The following SPOCK3 variants were observed in gnomAD, a reference collection of about 807,000 sequenced individuals.
SPOCK3 encodes SPARC (osteonectin), cwcv and kazal like domains proteoglycan 3.
A neutral mutation model predicts 56.6 loss-of-function variants in SPOCK3; 30 were observed. The ratio of observed to expected loss-of-function variants is 0.53; its 90% CI spans 0.40 to 0.72. SPOCK3 has a LOEUF of 0.72. Among genes scored for constraint, SPOCK3 ranks in the 30% least tolerant of loss-of-function variants. The probability of loss-of-function intolerance (pLI) is 0.00; values close to 1 mark genes in which losing one functional copy is unlikely to be tolerated. For synonymous variants in SPOCK3, 196 were observed against 183.3 expected, an observed-to-expected ratio of 1.07 and a Z score of -0.56; for missense variants, 527 against 530.0, an observed-to-expected ratio of 0.99 and a Z score of 0.06.
intron 7 of SPOCK3, among the ~76,000 whole-genome samples, chr4:166,780,277 A>C (rs1468464739): frequency 1.3e-5 from 2 of 152,188 alleles, no homozygotes; most frequent in Non-Finnish European, 2.9e-5. Flanking sequence ...AGAAAAATTC[A>C]ATTTATATTT....
chr4:166,996,595 T>A (rs1490913486), intron 4 of SPOCK3, among the ~76,000 whole-genome samples: 1 of 152,182 alleles, frequency 6.6e-6, no homozygotes, highest in Non-Finnish European at 1.5e-5. Context: ...CTAAAGTTCC[T>A]TCTCATTATT....
At chr4:166,845,183 G>A (rs1242614140) in intron 6 of SPOCK3, among the ~76,000 whole-genome samples, 1 of 152,048 alleles carries the variant, frequency 6.6e-6, no homozygotes, top group East Asian at 1.9e-4. Context: ...CACAGATAAG[G>A]ATAAATTAGC....
intron 2 of SPOCK3, among the ~76,000 whole-genome samples, chr4:167,141,910 C>A (rs1010811410): frequency 3.3e-5 from 5 of 151,902 alleles, no homozygotes; most frequent in East Asian, 3.9e-4. Context: ...AAGAAAAAAT[C>A]TAACTGTCTT....
intron 8 of SPOCK3, among the ~76,000 whole-genome samples, chr4:166,749,308 TAA>T (rs1277795160): frequency 7.4e-6 from 1 of 135,012 alleles, no homozygotes; most frequent in Non-Finnish European, 1.6e-5. Flanking sequence ...TATGCAGCCA[TAA>T]AAAAAGATGA....
At chr4:166,941,642 T>G (rs1254499707) in intron 4 of SPOCK3, among the ~76,000 whole-genome samples, 1 of 152,188 alleles carries the variant, frequency 6.6e-6, no homozygotes, top group Non-Finnish European at 1.5e-5. Context: ...TTCCTTCTAA[T>G]ATACAGAAGA....
chr4:166,998,431 T>C (rs1300574599), intron 4 of SPOCK3, among the ~76,000 whole-genome samples: 1 of 152,126 alleles, frequency 6.6e-6, no homozygotes, highest in African/African-American at 2.4e-5. Flanking sequence ...TTTTTGCCTG[T>C]AGTTAAGCTG....
intron 4 of SPOCK3, among the ~76,000 whole-genome samples, chr4:166,972,365 A>G (rs1745486724): frequency 1.3e-5 from 2 of 152,126 alleles, no homozygotes; most frequent in African/African-American, 2.4e-5. Context: ...CAATGTTACA[A>G]TGTAAAATGA....
At chr4:166,975,353 A>C (rs1423568753) in intron 4 of SPOCK3, among the ~76,000 whole-genome samples, 2 of 152,154 alleles carry the variant, frequency 1.3e-5, no homozygotes, top group African/African-American at 4.8e-5. Context: ...TCTTTTAAAA[A>C]ATTTTTAATG....
At position 166,734,401 on chromosome 4, in the gene SPOCK3, T is replaced by A. The variant is rs1734014777; in HGVS notation, c.*520A>T. On this transcript the variant is annotated 3_prime_UTR_variant, in exon 11 of 11. Transcript: ENST00000357545. ...TAAACACAATTGAGGACTCTACAAT[T>A]GTCACTTTGTTTTTCTTGCCATGTG... 1 of 152,120 alleles carries A rather than the reference T, an allele frequency of 6.6e-6. No homozygotes were observed. Among genetic ancestry groups the A allele is most frequent in the African/African-American group, 2.4e-5 (1 of 41,446 alleles). 9.4% of individuals were successfully genotyped at this position (152,120 alleles called of 1,614,324 possible).
intron 2 of SPOCK3, among the ~76,000 whole-genome samples, chr4:167,173,651 G>T (rs1479875748): frequency 6.6e-6 from 1 of 151,892 alleles, no homozygotes; most frequent in African/African-American, 2.4e-5. Context: ...TTTCTTAATC[G>T]AACAGGCGTA....
At chr4:166,751,011 A>G (rs1193352538) in intron 8 of SPOCK3, among the ~76,000 whole-genome samples, 1 of 144,332 alleles carries the variant, frequency 6.9e-6, no homozygotes, top group African/African-American at 2.5e-5. Context: ...TGCACTATCA[A>G]TGGTGCCCTG....
chr4:167,126,905 G>A (rs1047763177), intron 2 of SPOCK3, among the ~76,000 whole-genome samples: 1 of 151,930 alleles, frequency 6.6e-6, no homozygotes, highest in African/African-American at 2.4e-5. Context: ...ACTGTTGCTG[G>A]TAGAAAACAA....
chr4:166,805,254 T>A (rs1006563804), intron 6 of SPOCK3, among the ~76,000 whole-genome samples: 8 of 152,168 alleles, frequency 5.3e-5, no homozygotes, highest in African/African-American at 1.9e-4. Context: ...AATAAAACAA[T>A]GGAAAATACA....
At chr4:166,916,974 G>T (rs905587106) in intron 4 of SPOCK3, among the ~76,000 whole-genome samples, 37 of 152,130 alleles carry the variant, frequency 2.4e-4, no homozygotes, top group Admixed American at 2.4e-3. Context: ...GGATGAGGTT[G>T]GATGTTAAAA....
intron 8 of SPOCK3, among the ~76,000 whole-genome samples, chr4:166,746,211 T>C (rs927854107): frequency 6.6e-6 from 1 of 152,186 alleles, no homozygotes; most frequent in African/African-American, 2.4e-5. Context: ...ATCACACTTA[T>C]TCCAAAATTC....
intron 3 of SPOCK3, among the ~76,000 whole-genome samples, chr4:167,054,456 T>G (rs1754569837): frequency 6.6e-6 from 1 of 152,254 alleles, no homozygotes; most frequent in Non-Finnish European, 1.5e-5. Flanking sequence ...ATACATTTTA[T>G]GCCTTATTCA....
chr4:167,222,392 C>G (rs1050030183), intron 2 of SPOCK3, among the ~76,000 whole-genome samples: 7 of 151,286 alleles, frequency 4.6e-5, no homozygotes, highest in African/African-American at 1.7e-4. Context: ...ATACTTGACA[C>G]TACTGAATTA....
chr4:166,814,496 A>C (rs1412005168), intron 6 of SPOCK3, among the ~76,000 whole-genome samples: 2 of 152,028 alleles, frequency 1.3e-5, no homozygotes, highest in African/African-American at 4.8e-5. Context: ...GCAGGTAGGA[A>C]AAGGTGGGAT....
intron 4 of SPOCK3, among the ~76,000 whole-genome samples, chr4:166,927,197 T>C (rs1739206201): frequency 6.6e-6 from 1 of 152,184 alleles, no homozygotes; most frequent in South Asian, 2.1e-4. Flanking sequence ...ATTCATATGG[T>C]TTCACTCTGT....
Sources: allele counts gnomAD v4.1 joint callset (sites outside exome capture counted in the v4.1 genomes callset), GRCh38; gene constraint gnomAD v4.1.1; transcripts MANE v1.5; gene names NCBI Gene and HGNC (gene_info 2026-07-23, HGNC 2026-07-21).